Variants in ZNF532 observed in about 807,000 individuals in gnomAD.
ZNF532 encodes zinc finger protein 532.
In ZNF532, 22 loss-of-function variants were observed where a neutral mutation model predicts 89.3. The ratio of observed to expected loss-of-function variants is 0.25; its 90% CI spans 0.18 to 0.35. The LOEUF is 0.35. Among genes scored for constraint, ZNF532 ranks in the 10% least tolerant of loss-of-function variants. The pLI is 1.00. For synonymous variants in ZNF532, 606 were observed against 649.6 expected, an observed-to-expected ratio of 0.93 and a Z score of 1.02; for missense variants, 1,132 against 1,643.4, an observed-to-expected ratio of 0.69 and a Z score of 5.38.
chr18:58,887,557 A>G (rs2058390578), intron 2 of ZNF532, among the ~76,000 whole-genome samples: 1 of 152,080 alleles, frequency 6.6e-6, no homozygotes, highest in South Asian at 2.1e-4. Flanking sequence ...TCTGCCTCTC[A>G]TGTGTTTGGG....
At chr18:58,888,900 T>TA (rs1394210045) in intron 2 of ZNF532, among the ~76,000 whole-genome samples, 4 of 75,462 alleles carry the variant, frequency 5.3e-5, no homozygotes, top group African/African-American at 9.4e-5. Context: ...TTTATATATA[T>TA]ATATATATAT....
At chr18:58,940,717 TG>T (rs1281678553) in intron 5 of ZNF532, among the ~76,000 whole-genome samples, 1 of 152,220 alleles carries the variant, frequency 6.6e-6, no homozygotes, top group African/African-American at 2.4e-5. Flanking sequence ...AGTTCCTTCC[TG>T]TGTGTCTTCG....
At chr18:58,958,044 C>A (rs1273170942) in intron 7 of ZNF532, among the ~76,000 whole-genome samples, 2 of 136,026 alleles carry the variant, frequency 1.5e-5, no homozygotes, top group African/African-American at 5.6e-5. Context: ...CCAGCCTAGG[C>A]AACAGAGCAA....
chr18:58,938,433 G>T (rs1344934217), intron 4 of ZNF532, among the ~76,000 whole-genome samples: 1 of 152,220 alleles, frequency 6.6e-6, no homozygotes, highest in Non-Finnish European at 1.5e-5. Flanking sequence ...TTATATTTGA[G>T]CAGGGAATGA....
At chr18:58,953,898 T>C (rs2064481596) in intron 7 of ZNF532, 99 bp downstream of exon 7, 1 of 1,495,520 alleles carries the variant, frequency 6.7e-7, no homozygotes, top group African/African-American at 1.4e-5. Context: ...CTATCAGTAA[T>C]TAGTGCTGTG....
intron 2 of ZNF532, among the ~76,000 whole-genome samples, chr18:58,865,829 G>C (rs998198070): frequency 6.6e-6 from 1 of 152,208 alleles, no homozygotes; most frequent in African/African-American, 2.4e-5. Flanking sequence ...GGAAGGAAGC[G>C]AGTGTGGAGA....
At chr18:58,918,153 C>A in intron 2 of ZNF532, 118 bp from the exon 3 acceptor site, 3 of 894,236 alleles carry the variant, frequency 3.4e-6, no homozygotes, top group Non-Finnish European at 5.0e-6. Context: ...ACCGTAAATG[C>A]AGTTACCTCC....
intron 3 of ZNF532, 90 bp from the exon 4 acceptor site, chr18:58,934,343 G>A (rs1305711283): frequency 2.5e-6 from 3 of 1,183,970 alleles, no homozygotes; most frequent in Admixed American, 4.2e-5. Context: ...AATGAAGGAT[G>A]TATAATTATC....
At chr18:58,973,164 A>G (rs1203671080) in intron 7 of ZNF532, among the ~76,000 whole-genome samples, 1 of 152,226 alleles carries the variant, frequency 6.6e-6, no homozygotes, top group African/African-American at 2.4e-5. Context: ...ATGCAGTGGC[A>G]CTATCTCTGC....
At chr18:58,873,046 C>T (rs960125186) in intron 2 of ZNF532, among the ~76,000 whole-genome samples, 1 of 152,068 alleles carries the variant, frequency 6.6e-6, no homozygotes, top group Admixed American at 6.6e-5. Flanking sequence ...CTCACTGTGT[C>T]ACCCAGACTG....
chr18:58,924,397 C>T (rs910154237), intron 3 of ZNF532, among the ~76,000 whole-genome samples: 5 of 152,178 alleles, frequency 3.3e-5, no homozygotes, highest in South Asian at 2.1e-4. Flanking sequence ...TCTCATCACC[C>T]GAAGTGGATT....
At chr18:58,927,980 C>G (rs1401645813) in intron 3 of ZNF532, among the ~76,000 whole-genome samples, 1 of 152,252 alleles carries the variant, frequency 6.6e-6, no homozygotes, top group Non-Finnish European at 1.5e-5. Context: ...CCTTTCACAT[C>G]TGGTGGGCTG....
intron 2 of ZNF532, among the ~76,000 whole-genome samples, chr18:58,885,897 A>AC (rs2058270743): frequency 6.6e-6 from 1 of 151,652 alleles, no homozygotes; most frequent in Non-Finnish European, 1.5e-5. Flanking sequence ...AATTTCCCTC[A>AC]CCCCGTTTCA....
At chr18:58,959,272 TTTTTTTTGG>T in intron 7 of ZNF532, among the ~76,000 whole-genome samples, 2 of 149,824 alleles carry the variant, frequency 1.3e-5, no homozygotes, top group African/African-American at 4.9e-5. Context: ...TTTTTTTTGT[TTTTTTTTGG>T]TTTTTTTTTT....
At chr18:58,956,713 T>G (rs970734683) in intron 7 of ZNF532, among the ~76,000 whole-genome samples, 2 of 152,208 alleles carry the variant, frequency 1.3e-5, no homozygotes, top group African/African-American at 4.8e-5. Flanking sequence ...ACCCCTTTGT[T>G]GTTAAGTCGT....
chr18:58,945,277 C>G (rs571115286), intron 5 of ZNF532, among the ~76,000 whole-genome samples: 42 of 152,150 alleles, frequency 2.8e-4, no homozygotes, highest in Non-Finnish European at 4.9e-4. Flanking sequence ...GGCATGTGCT[C>G]TTGGTGGCAA....
intron 2 of ZNF532, among the ~76,000 whole-genome samples, chr18:58,900,937 T>TA (rs112081243): frequency 8.3e-4 from 125 of 149,862 alleles, no homozygotes; most frequent in South Asian, 1.9e-3. Context: ...CTATTTAAAT[T>TA]AAAAAAAAAA....
At chr18:58,882,855 C>T (rs1398274505) in intron 2 of ZNF532, among the ~76,000 whole-genome samples, 1 of 152,202 alleles carries the variant, frequency 6.6e-6, no homozygotes, top group East Asian at 1.9e-4. Flanking sequence ...CCCTGGATTC[C>T]CACTTTGAAG....
intron 8 of ZNF532, chr18:58,980,038 A>G (rs1032601719): frequency 2.6e-5 from 4 of 151,964 alleles, no homozygotes; most frequent in African/African-American, 7.3e-5. Context: ...ATGTCTCATG[A>G]GAGAGAGAGA....
Sources: allele counts gnomAD v4.1 joint callset (sites outside exome capture counted in the v4.1 genomes callset), GRCh38; gene constraint gnomAD v4.1.1; transcripts MANE v1.5; gene names NCBI Gene and HGNC (gene_info 2026-07-23, HGNC 2026-07-21).